The following LUC7L2 variants were observed in gnomAD, a reference collection of about 807,000 sequenced individuals.
LUC7L2 encodes putative RNA-binding protein Luc7-like 2.
In LUC7L2, 25 loss-of-function variants were observed where a neutral mutation model predicts 52.8. The ratio of observed to expected loss-of-function variants is 0.47; its 90% CI spans 0.34 to 0.66. The LOEUF (loss-of-function observed/expected upper bound fraction) is 0.66, where lower values mean the gene tolerates loss of function less well. Among genes scored for constraint, LUC7L2 ranks in the 30% least tolerant of loss-of-function variants. The pLI, the probability that LUC7L2 is intolerant of heterozygous loss-of-function variation, is 0.01. For missense variants in LUC7L2, 328 were observed against 497.8 expected (o/e 0.66, Z 3.25); for synonymous variants, 144 against 160.9 (o/e 0.89, Z 0.80).
chr7:139,356,500 G>C (rs146545735), upstream of LUC7L2, among the ~76,000 whole-genome samples: 263 of 151,880 alleles, frequency 1.7e-3, 2 homozygotes, highest in African/African-American at 6.2e-3. Context: ...TTCATAGTCA[G>C]GCTGGGCACA....
chr7:139,382,342 G>T (rs181321214), intron 2 of LUC7L2, among the ~76,000 whole-genome samples: 17 of 151,992 alleles, frequency 1.1e-4, no homozygotes, highest in African/African-American at 4.1e-4. Flanking sequence ...TGATATTGTC[G>T]TAGTCAATAT....
chr7:139,341,631 C>T, intron 1 of LUC7L2: 2 of 1,497,094 alleles, frequency 1.3e-6, no homozygotes, highest in South Asian at 1.3e-5. Context: ...TGAGGCCAAC[C>T]CTCCCACGGA....
intron 1 of LUC7L2, among the ~76,000 whole-genome samples, chr7:139,374,086 A>T (rs1800590529): frequency 1.3e-5 from 2 of 152,208 alleles, no homozygotes; most frequent in Non-Finnish European, 2.9e-5. Flanking sequence ...TTCTAACATG[A>T]GCTTGAGGTC....
intron 8 of LUC7L2, among the ~76,000 whole-genome samples, chr7:139,413,701 C>A (rs1002012724): frequency 4.6e-5 from 7 of 152,108 alleles, no homozygotes; most frequent in Admixed American, 2.6e-4. Flanking sequence ...TCACTTGAAC[C>A]CAGGAGGTGG....
intron 1 of LUC7L2, among the ~76,000 whole-genome samples, chr7:139,343,919 C>G (rs2131141031): frequency 8.1e-6 from 1 of 123,478 alleles, no homozygotes; most frequent in South Asian, 2.4e-4. Flanking sequence ...AAGTGAGACC[C>G]TGTCCCCAAA....
chr7:139,350,856 A>G (rs1329451750), intron 1 of LUC7L2, among the ~76,000 whole-genome samples: 2 of 151,834 alleles, frequency 1.3e-5, no homozygotes, highest in Non-Finnish European at 2.9e-5. Context: ...TTGTATTTTT[A>G]GTAGAGATGG....
At chr7:139,345,767 A>T in intron 1 of LUC7L2, 1 of 1,465,788 alleles carries the variant, frequency 6.8e-7, no homozygotes, top group Middle Eastern at 2.4e-4. Context: ...ATCAATATGT[A>T]TTTATCATTA....
At chr7:139,369,549 T>G (rs1459466759) in intron 1 of LUC7L2, among the ~76,000 whole-genome samples, 1 of 152,228 alleles carries the variant, frequency 6.6e-6, no homozygotes, top group Non-Finnish European at 1.5e-5. Flanking sequence ...TCTTTAGTAT[T>G]CCTGTTCTCA....
chr7:139,368,105 C>T (rs1800257481), intron 1 of LUC7L2, among the ~76,000 whole-genome samples: 1 of 152,182 alleles, frequency 6.6e-6, no homozygotes, highest in African/African-American at 2.4e-5. Flanking sequence ...GGGAGTGCTT[C>T]CCTGCACATG....
intron 2 of LUC7L2, among the ~76,000 whole-genome samples, chr7:139,381,375 T>A (rs1801009549): frequency 1.5e-5 from 1 of 66,090 alleles, no homozygotes; most frequent in East Asian, 3.1e-4. Flanking sequence ...TTTTATTTTA[T>A]TTTTATTTTA....
At position 139,379,512 on chromosome 7, in the gene LUC7L2, C is replaced by T. The variant is rs115052174; in HGVS notation, c.156+3356C>T. Among the ~76,000 whole-genome samples the T allele has an allele frequency of 2.2e-3, 285 of 129,238 alleles. 1 individual carries two copies. The highest frequency in any genetic ancestry group is 9.4e-3 in the Middle Eastern group (2 of 212). 84.8% of individuals were successfully genotyped at this position (129,238 alleles called of 152,430 possible). A position where few individuals can be genotyped will look rare whatever the true frequency, so the allele number is the denominator to read the frequency against. On this transcript the variant is annotated intron_variant, in intron 2 of 9. Transcript: ENST00000354926. ...ATTGAGTTTCATGAAAATGCACTTA[C>T]AACATTTTACCTTTCATTATTCTAG... is the stretch of plus-strand genomic sequence containing the variant.
intron 7 of LUC7L2, among the ~76,000 whole-genome samples, chr7:139,412,231 AC>A (rs1464797578): frequency 1.3e-4 from 19 of 150,178 alleles, no homozygotes; most frequent in Admixed American, 2.6e-4. Context: ...AAAAAAAAAA[AC>A]AAAAACAAAA....
At chr7:139,416,658 C>T (rs1333088455) in intron 8 of LUC7L2, 1 of 152,186 alleles carries the variant, frequency 6.6e-6, no homozygotes, top group African/African-American at 2.4e-5. Context: ...CTTAGCCTCC[C>T]AAAGTGCTGG....
intron 1 of LUC7L2, chr7:139,345,592 T>C: frequency 6.2e-7 from 1 of 1,614,116 alleles, no homozygotes; most frequent in African/African-American, 1.3e-5. Flanking sequence ...CGGAAACATG[T>C]GGCCCTACAT....
In LUC7L2 at chr7:139,417,736, ATG is replaced by A. The variant is rs1395525274; in HGVS notation, c.1001+11_1001+12del. Reference sequence around the variant, plus strand: ...GAGAACGATCCAAGAGGAGGTATTGATGTGTCAATCAGAGGATATGGAGCTAC... The same window carrying A: ...GAGAACGATCCAAGAGGAGGTATTGATGTCAATCAGAGGATATGGAGCTAC... On this transcript the variant is annotated splice_region_variant and intron_variant, in intron 9 of 9. Transcript: ENST00000354926. 15 of 1,612,182 alleles carry A rather than the reference ATG, an allele frequency of 9.3e-6. No homozygotes were observed. Among genetic ancestry groups the A allele is most frequent in the African/African-American group, 2.7e-5 (2 of 74,868 alleles).
At position 139,416,042 on chromosome 7, in the gene LUC7L2, T is replaced by C. The variant is rs1303439057; in HGVS notation, c.810-1496T>C. The stretch of plus-strand genomic sequence containing the variant: ...TTAAGAGTTTTATTGAGGTATAAAA[T>C]ATATATATATATATATATATATATA... On this transcript the variant is annotated intron_variant, in intron 8 of 9. Transcript: ENST00000354926. 8.7e-4 allele frequency: 4 copies of C among 4,616 alleles called. No individual in the cohort carries two copies. In the East Asian group the frequency reaches 0.011, roughly 13 times the overall value. The allele number at this position is 4,616 out of a possible 1,614,324, so 0.3% of individuals were successfully genotyped here.
At chr7:139,412,306 CTG>C (rs1482879413) in intron 7 of LUC7L2, among the ~76,000 whole-genome samples, 1 of 151,622 alleles carries the variant, frequency 6.6e-6, no homozygotes, top group African/African-American at 2.4e-5. Flanking sequence ...TCAACCTGTA[CTG>C]TGTTTTAATC....
intron 1 of LUC7L2, chr7:139,341,329 G>A (rs928270619): frequency 2.6e-6 from 4 of 1,567,922 alleles, no homozygotes; most frequent in Non-Finnish European, 3.5e-6. Context: ...GCCGGAGGAG[G>A]GGTTTTCAGG....
At chr7:139,369,559 A>T (rs1800336288) in intron 1 of LUC7L2, among the ~76,000 whole-genome samples, 2 of 152,200 alleles carry the variant, frequency 1.3e-5, no homozygotes, top group Non-Finnish European at 2.9e-5. Context: ...TCCTGTTCTC[A>T]CATTTTCATC....
Sources: allele counts gnomAD v4.1 joint callset (sites outside exome capture counted in the v4.1 genomes callset), GRCh38; gene constraint gnomAD v4.1.1; transcripts MANE v1.5; gene names NCBI Gene and HGNC (gene_info 2026-07-23, HGNC 2026-07-21).